GRID2: variants seen among roughly 807,000 people sequenced by gnomAD.
GRID2 encodes the protein glutamate ionotropic receptor delta type subunit 2.
In GRID2, 33 loss-of-function variants were observed where a neutral mutation model predicts 114.8. That is an observed-to-expected ratio of 0.29 (90% confidence interval 0.22 to 0.38). GRID2 has a LOEUF of 0.38. Among genes scored for constraint, GRID2 ranks in the 10% least tolerant of loss-of-function variants. GRID2 has a pLI of 1.00. For synonymous variants in GRID2, 505 were observed against 449.9 expected, an observed-to-expected ratio of 1.12 and a Z score of -1.55; for missense variants, 1,184 against 1,257.7, an observed-to-expected ratio of 0.94 and a Z score of 0.89.
rs869285420 is a variant in GRID2 at position 92,965,450 on chromosome 4, T to TAAAAAAAAA, written c.245-119514_245-119506dup. ...AGGGTTGCCATAAACATTCAATTTG[T>TAAAAAAAAA]AAAAAAAAAAAAAAAAAAAAAAAAA... On this transcript the variant is annotated intron_variant, in intron 2 of 15. Transcript: ENST00000282020. Among the ~76,000 whole-genome samples the TAAAAAAAAA allele has an allele frequency of 2.7e-3, 235 of 85,678 alleles. 15 individuals carry two copies. Among genetic ancestry groups the TAAAAAAAAA allele is most frequent in the Non-Finnish European group, 4.0e-3 (165 of 41,756 alleles). The allele number at this position is 85,678 out of a possible 152,430, so 56.2% of individuals were successfully genotyped here. A position where few individuals can be genotyped will look rare whatever the true frequency, so the allele number is the denominator to read the frequency against.
At chr4:92,792,252 C>T (rs1326811299) in intron 2 of GRID2, among the ~76,000 whole-genome samples, 1 of 151,702 alleles carries the variant, frequency 6.6e-6, no homozygotes, top group East Asian at 2.0e-4. Context: ...TCCAGTGGAC[C>T]TCAAGCATGG....
At chr4:93,178,953 G>A (rs936056662) in intron 4 of GRID2, among the ~76,000 whole-genome samples, 4 of 152,000 alleles carry the variant, frequency 2.6e-5, no homozygotes, top group East Asian at 1.9e-4. Context: ...TACCACCTAG[G>A]GTATAAGTCA....
rs548709811 is a variant in GRID2, at chr4:93,130,799, T to G, written c.735+19846T>G. ...CAACAATCTCTAAATAAATGGTAAA[T>G]TTTTGAGGTGAAATTTATTCTGGAG... On this transcript the variant is annotated intron_variant, in intron 4 of 15. Coordinates refer to ENST00000282020, the MANE Select transcript of GRID2 (RefSeq NM_001510.4). Among the ~76,000 whole-genome samples, 14 of 152,264 alleles carry G rather than the reference T, an allele frequency of 9.2e-5. No individual in the cohort carries two copies. The South Asian group carries it at 2.1e-3, about 23-fold the overall frequency.
At chr4:92,858,143 A>G (rs534866990) in intron 2 of GRID2, among the ~76,000 whole-genome samples, 1 of 152,356 alleles carries the variant, frequency 6.6e-6, no homozygotes, top group East Asian at 1.9e-4. Flanking sequence ...ATGGAGTTGT[A>G]TGAGGAGACT....
intron 10 of GRID2, among the ~76,000 whole-genome samples, chr4:93,440,686 C>T (rs1721543391): frequency 6.6e-6 from 1 of 151,942 alleles, no homozygotes; most frequent in Admixed American, 6.6e-5. Flanking sequence ...AGGATTTTAA[C>T]ACTAATGAAG....
chr4:92,807,199 C>T (rs768017001), intron 2 of GRID2, among the ~76,000 whole-genome samples: 18 of 151,754 alleles, frequency 1.2e-4, no homozygotes, highest in East Asian at 5.8e-4. Flanking sequence ...AATGTGAGTT[C>T]GACTTAAATT....
intron 14 of GRID2, among the ~76,000 whole-genome samples, chr4:93,767,301 T>G (rs988702369): frequency 5.9e-5 from 9 of 152,200 alleles, no homozygotes; most frequent in African/African-American, 2.2e-4. Flanking sequence ...TACAGAGGTC[T>G]TGTAGGTACT....
intron 4 of GRID2, among the ~76,000 whole-genome samples, chr4:93,172,836 G>C (rs143201179): frequency 2.0e-5 from 3 of 152,010 alleles, no homozygotes; most frequent in Admixed American, 6.5e-5. Flanking sequence ...AATTACTAAA[G>C]TTTGGGGAAA....
chr4:92,930,187 C>T (rs1042692848), intron 2 of GRID2, among the ~76,000 whole-genome samples: 16 of 151,268 alleles, frequency 1.1e-4, no homozygotes, highest in African/African-American at 3.1e-4. Context: ...GATTCACACC[C>T]GGATCTGTCT....
chr4:92,811,619 T>C (rs975774229), intron 2 of GRID2, among the ~76,000 whole-genome samples: 6 of 152,110 alleles, frequency 3.9e-5, no homozygotes, highest in African/African-American at 1.4e-4. Context: ...CAGGATTGTA[T>C]TGATGGCTGA....
At chr4:93,455,069 T>C (rs1274480455) in intron 10 of GRID2, among the ~76,000 whole-genome samples, 2 of 152,128 alleles carry the variant, frequency 1.3e-5, no homozygotes, top group Non-Finnish European at 2.9e-5. Context: ...TCATTACTTT[T>C]TCATTAAAAT....
At chr4:92,683,703 G>T (rs1157900855) in intron 2 of GRID2, among the ~76,000 whole-genome samples, 1 of 150,942 alleles carries the variant, frequency 6.6e-6, no homozygotes, top group Admixed American at 6.6e-5. Flanking sequence ...AAACAAAAAA[G>T]ATTAAAAATA....
At chr4:92,667,843 T>G (rs1412426697) in intron 2 of GRID2, among the ~76,000 whole-genome samples, 1 of 151,810 alleles carries the variant, frequency 6.6e-6, no homozygotes, top group African/African-American at 2.4e-5. Context: ...GTTGTTTGCG[T>G]TTCTAAAACA....
intron 1 of GRID2, among the ~76,000 whole-genome samples, chr4:92,373,385 G>A (rs1729205815): frequency 6.6e-6 from 1 of 152,158 alleles, no homozygotes; most frequent in Non-Finnish European, 1.5e-5. Context: ...GGTGTTCTAT[G>A]AAATTATCTG....
At chr4:92,884,762 A>G in intron 2 of GRID2, 1 of 295,306 alleles carries the variant, frequency 3.4e-6, no homozygotes, top group Non-Finnish European at 7.0e-6. Context: ...AATGGAATTG[A>G]GTGGAAGCTC....
intron 2 of GRID2, among the ~76,000 whole-genome samples, chr4:92,941,150 C>T (rs898984860): frequency 7.9e-5 from 12 of 152,266 alleles, no homozygotes; most frequent in East Asian, 1.9e-4. Context: ...ATGGTACCAG[C>T]TCCTCCTTGT....
chr4:93,583,333 T>G (rs1414505165), intron 13 of GRID2, among the ~76,000 whole-genome samples: 1 of 152,156 alleles, frequency 6.6e-6, no homozygotes, highest in Non-Finnish European at 1.5e-5. Flanking sequence ...CTAGTTTGTG[T>G]TACACTTCTC....
intron 2 of GRID2, among the ~76,000 whole-genome samples, chr4:92,788,230 C>A (rs1299956783): frequency 6.6e-6 from 1 of 151,620 alleles, no homozygotes; most frequent in Non-Finnish European, 1.5e-5. Context: ...AAGAAGTAAC[C>A]AATGAGTTAC....
At chr4:92,663,630 T>C (rs1461616355) in intron 2 of GRID2, among the ~76,000 whole-genome samples, 1 of 151,198 alleles carries the variant, frequency 6.6e-6, no homozygotes, top group Non-Finnish European at 1.5e-5. Flanking sequence ...CCAATTCTTA[T>C]TTTGGTAAGT....
Sources: allele counts gnomAD v4.1 joint callset (sites outside exome capture counted in the v4.1 genomes callset), GRCh38; gene constraint gnomAD v4.1.1; transcripts MANE v1.5; gene names NCBI Gene and HGNC (gene_info 2026-07-23, HGNC 2026-07-21).